The following PDCD11 variants were observed in gnomAD, a reference collection of about 807,000 sequenced individuals.
PDCD11 encodes programmed cell death 11.
Under a neutral mutation model 198.9 loss-of-function variants are expected in PDCD11, and 97 were observed. That is an observed-to-expected ratio of 0.49 (90% confidence interval 0.41 to 0.58). The LOEUF (loss-of-function observed/expected upper bound fraction) is 0.58. Among genes scored for constraint, PDCD11 ranks in the 20% least tolerant of loss-of-function variants. The pLI, the probability that PDCD11 is intolerant of heterozygous loss-of-function variation, is 0.00. For missense variants in PDCD11, 2,102 were observed against 2,312.7 expected (o/e 0.91, Z 1.87); for synonymous variants, 893 against 918.0 (o/e 0.97, Z 0.49).
chr10:103,427,267 G>C, intron 20 of PDCD11, 62 bp from the exon 21 acceptor site: 1 of 1,448,072 alleles, frequency 6.9e-7, no homozygotes, highest in Non-Finnish European at 9.7e-7. Context: ...GAGAAATCCT[G>C]ACCTACAGAT....
Position 103,439,755 on chromosome 10 carries a change from C to T in PDCD11, c.4035C>T (p.Pro1345=). 6.2e-7 allele frequency: 1 copy of T among 1,614,176 alleles called. No homozygotes were observed. The highest frequency in any genetic ancestry group is 8.5e-7 in the Non-Finnish European group (1 of 1,180,022). ...GCCTCTCTCCTTTCAGCCTTGGCCC[C>T]TCCGTTGTGGGTTTGGCTCGGTACT... The part of the protein sequence containing the change: ...QPHGVFFRLG[P]SVVGLARYSH... The change falls in exon 28 of 36, where the codon CCC becomes CCT. Residue 1345 remains proline, a synonymous_variant. Coordinates refer to ENST00000369797, the MANE Select transcript of PDCD11 (RefSeq NM_014976.2).
At chr10:103,398,649 T>A (rs1019351952) in intron 2 of PDCD11, 121 bp downstream of exon 2, 2 of 681,660 alleles carry the variant, frequency 2.9e-6, no homozygotes, top group African/African-American at 3.6e-5. Context: ...GAAGTCTACT[T>A]CTATAAATTT....
chr10:103,444,824 C>T (rs1030271242), intron 35 of PDCD11, 142 bp downstream of exon 35: 1 of 738,542 alleles, frequency 1.4e-6, no homozygotes. Context: ...CAGTGACATT[C>T]ACTTCAACTC....
chr10:103,444,301 C>T, intron 34 of PDCD11: 1 of 625,126 alleles, frequency 1.6e-6, no homozygotes. Context: ...CCTGGGATCC[C>T]CCACCTCTTC....
intron 20 of PDCD11, among the ~76,000 whole-genome samples, chr10:103,425,836 C>T (rs559838068): frequency 1.3e-5 from 2 of 152,258 alleles, no homozygotes; most frequent in East Asian, 1.9e-4. Flanking sequence ...CCCACCACCA[C>T]GCCCGGCTAA....
chr10:103,438,659 G>A (rs1310269530), intron 26 of PDCD11, 27 bp from the exon 27 acceptor site: 4 of 1,614,006 alleles, frequency 2.5e-6, no homozygotes, highest in South Asian at 2.2e-5. Context: ...GGTTAAAGGT[G>A]TGCATGTAAG....
intron 27 of PDCD11, 83 bp downstream of exon 27, chr10:103,438,891 A>G: frequency 6.9e-7 from 1 of 1,443,344 alleles, no homozygotes; most frequent in South Asian, 1.2e-5. Context: ...TTCCTCGGTC[A>G]ACTTCTTTGA....
intron 22 of PDCD11, 73 bp downstream of exon 22, chr10:103,432,307 A>C: frequency 9.1e-7 from 1 of 1,094,588 alleles, no homozygotes; most frequent in East Asian, 2.4e-5. Flanking sequence ...TTGGAGAGAA[A>C]AGCCATTAGC....
chr10:103,430,909 C>T (rs2031906023), intron 21 of PDCD11, among the ~76,000 whole-genome samples: 1 of 152,000 alleles, frequency 6.6e-6, no homozygotes, highest in Non-Finnish European at 1.5e-5. Flanking sequence ...AGTGATTCTC[C>T]TGCCTCAGCC....
rs117206710 is a variant in PDCD11, at chr10:103,407,582, A to G, written c.870+792A>G. On this transcript the variant is annotated intron_variant, in intron 7 of 35. Coordinates refer to ENST00000369797, the MANE Select transcript of PDCD11 (RefSeq NM_014976.2). ...CGTCTCAAACAAACAAACAAAATAT[A>G]TATATTTTATAGAGGTGAAGTCTTA... Among the ~76,000 whole-genome samples the G allele has an allele frequency of 7.4e-4, 113 of 151,996 alleles. 1 individual carries two copies. In the East Asian group the frequency reaches 0.02, roughly 26 times the overall value.
At chr10:103,414,370 CA>C in intron 11 of PDCD11, 40 bp downstream of exon 11, 1 of 1,476,830 alleles carries the variant, frequency 6.8e-7, no homozygotes. Context: ...GCCTCACCAT[CA>C]GGCGTTCTTT....
At position 103,443,295 on chromosome 10, in the gene PDCD11, C is replaced by T; in HGVS notation, c.5086C>T (p.His1696Tyr). Residue 1696 changes from histidine (H) to tyrosine (Y), a missense_variant, in exon 33 of 36, where the codon CAC becomes TAC. By Grantham distance (83) the His-to-Tyr change is moderately conservative (BLOSUM62 2). Coordinates refer to ENST00000369797, the MANE Select transcript of PDCD11 (RefSeq NM_014976.2). ...QYNEPLKVFL[H>Y]LADIYAKSEK... ...CAACGAGCCTCTCAAAGTCTTTCTC[C>T]ACCTGGCTGACATCTACGCCAAGTC... is the stretch of plus-strand genomic sequence containing the variant. The T allele has an allele frequency of 6.2e-7, 1 of 1,612,106 alleles. No homozygotes were observed. The highest frequency in any genetic ancestry group is 8.5e-7 in the Non-Finnish European group (1 of 1,178,382).
In PDCD11 at chr10:103,413,216, C is replaced by G; in HGVS notation, c.1079C>G (p.Ser360Cys). ...CCTGGACGCCCACTCACCCGACTCT[C>G]TTGCCAGAACCTTGGAGCAGTGCTG... ...LQPGRPLTRL[S>C]CQNLGAVLDD... Residue 360 changes from serine (S) to cysteine (C), a missense_variant, in exon 9 of 36, where the codon TCT (serine) becomes TGT (cysteine). Transcript: ENST00000369797. 2 of 1,614,188 alleles carry G rather than the reference C, an allele frequency of 1.2e-6. No homozygotes were observed. Among genetic ancestry groups the G allele is most frequent in the Non-Finnish European group, 1.7e-6 (2 of 1,180,014 alleles).
Position 103,403,277 on chromosome 10 carries a change from C to T in PDCD11, c.394C>T (p.Pro132Ser), listed in dbSNP as rs767618762. 3.2e-5 allele frequency: 51 copies of T among 1,612,574 alleles called. No homozygotes were observed. Among genetic ancestry groups the T allele is most frequent in the Non-Finnish European group, 4.2e-5 (49 of 1,179,462 alleles). Reference protein sequence around the residue: ...KLNEQVTQEQPLKDLLHLPEL... With the variant: ...KLNEQVTQEQSLKDLLHLPEL... ...GAATGAGCAGGTGACACAAGAACAA[C>T]CTCTGAAGGTAAGGGAAATCCGAAT... Residue 132 changes from proline (P) to serine (S), a missense_variant, in exon 4 of 36, where the codon CCT becomes TCT. Transcript: ENST00000369797.
Position 103,400,655 on chromosome 10 carries a change from G to A in PDCD11, c.234+127G>A, listed in dbSNP as rs928579656. On this transcript the variant is annotated intron_variant, in intron 3 of 35. Coordinates refer to ENST00000369797, the MANE Select transcript of PDCD11 (RefSeq NM_014976.2). ...TTCCCCTTAATATATTATATTTCAT[G>A]CGTGTGTGTGTAGAGATGCTTGGAA... is the stretch of plus-strand genomic sequence containing the variant. 5.3e-6 allele frequency: 5 copies of A among 936,142 alleles called. No homozygotes were observed. In the African/African-American group the frequency reaches 6.7e-5, roughly 13 times the overall value. The allele number at this position is 936,142 out of a possible 1,614,324, so 58.0% of individuals were successfully genotyped here. A position where few individuals can be genotyped will look rare whatever the true frequency, so the allele number is the denominator to read the frequency against.
Position 103,396,687 on chromosome 10 carries a change from C to T in PDCD11, c.-55C>T, listed in dbSNP as rs2093437744. ...CTGGTCTCCGCGTGTGTGAGTACCG[C>T]GGCGCGAGGTTAGTGGTAGCTGGGT... is the stretch of plus-strand genomic sequence containing the variant. On this transcript the variant is annotated 5_prime_UTR_variant, in exon 1 of 36. Coordinates refer to ENST00000369797, the MANE Select transcript of PDCD11 (RefSeq NM_014976.2). The T allele has an allele frequency of 6.6e-6, 1 of 152,442 alleles. No homozygotes were observed. The allele number at this position is 152,442 out of a possible 1,614,324, so 9.4% of individuals were successfully genotyped here.
At chr10:103,404,866 A>G (rs1240968479) in intron 4 of PDCD11, among the ~76,000 whole-genome samples, 156 bp from the exon 5 acceptor site, 1 of 152,236 alleles carries the variant, frequency 6.6e-6, no homozygotes, top group Non-Finnish European at 1.5e-5. Flanking sequence ...GCTAGGCCAC[A>G]GACCCAACTT....
In PDCD11 at chr10:103,403,259, C is replaced by G; in HGVS notation, c.376C>G (p.Gln126Glu). 1 of 1,614,016 alleles carries G rather than the reference C, an allele frequency of 6.2e-7. No homozygotes were observed. The highest frequency in any genetic ancestry group is 8.5e-7 in the Non-Finnish European group (1 of 1,179,952). The change falls in exon 4 of 36, where the codon CAG becomes GAG. Residue 126 changes from glutamine (Q) to glutamate (E), a missense_variant. Gln to Glu is a conservative substitution (Grantham distance 29). Coordinates refer to ENST00000369797, the MANE Select transcript of PDCD11 (RefSeq NM_014976.2). ...TGCCTACACCAAAAAGCTGAATGAG[C>G]AGGTGACACAAGAACAACCTCTGAA... is the stretch of plus-strand genomic sequence containing the variant. Reference protein sequence around the residue: ...CDAYTKKLNEQVTQEQPLKDL... With the variant: ...CDAYTKKLNEEVTQEQPLKDL...
rs1318806310 is a variant in PDCD11, at chr10:103,398,450, C to T, written c.24C>T (p.Phe8=). 6.2e-7 allele frequency: 1 copy of T among 1,613,814 alleles called. No individual in the cohort carries two copies. The highest frequency in any genetic ancestry group is 8.5e-7 in the Non-Finnish European group (1 of 1,179,716). The change falls in exon 2 of 36, where the codon TTC becomes TTT. Residue 8 remains phenylalanine (F), a synonymous_variant. Transcript: ENST00000369797. MANLEES[F]PRGGTRKIHK... is the part of the protein sequence containing the mutation. ...ACATGGCAAACCTGGAAGAAAGCTT[C>T]CCCCGAGGAGGTACAAGAAAGATCC...
Sources: allele counts gnomAD v4.1 joint callset (sites outside exome capture counted in the v4.1 genomes callset), GRCh38; gene constraint gnomAD v4.1.1; transcripts MANE v1.5; gene names NCBI Gene and HGNC (gene_info 2026-07-23, HGNC 2026-07-21).